KCNIP4: variants seen among roughly 807,000 people sequenced by gnomAD.
KCNIP4 encodes potassium voltage-gated channel interacting protein 4.
KCNIP4 carries 12 observed loss-of-function variants against 34.0 expected under a neutral mutation model. The observed-to-expected ratio is 0.35, with a 90% CI of 0.23 to 0.57. KCNIP4 has a LOEUF of 0.57. KCNIP4 is among the 20% of genes least tolerant of loss of function. The pLI, the probability that KCNIP4 is intolerant of heterozygous loss-of-function variation, is 0.83. For synonymous variants in KCNIP4, 124 were observed against 102.2 expected, an observed-to-expected ratio of 1.21 and a Z score of -1.29; for missense variants, 238 against 311.7, an observed-to-expected ratio of 0.76 and a Z score of 1.78.
intron 1 of KCNIP4, among the ~76,000 whole-genome samples, chr4:21,177,919 A>G (rs1238714196): frequency 6.6e-6 from 1 of 150,808 alleles, no homozygotes; most frequent in African/African-American, 2.4e-5. Context: ...CAAAGTTTGC[A>G]ATAATTTATC....
At chr4:21,027,723 A>G (rs1305053552) in intron 1 of KCNIP4, among the ~76,000 whole-genome samples, 1 of 152,010 alleles carries the variant, frequency 6.6e-6, no homozygotes, top group Non-Finnish European at 1.5e-5. Context: ...GAAGAAAAGA[A>G]GTAGAGAAAA....
At chr4:21,106,852 T>C (rs1348653022) in intron 1 of KCNIP4, among the ~76,000 whole-genome samples, 1 of 151,734 alleles carries the variant, frequency 6.6e-6, no homozygotes, top group African/African-American at 2.4e-5. Flanking sequence ...CATTTCGTTA[T>C]GTACCCAGTA....
intron 3 of KCNIP4, among the ~76,000 whole-genome samples, chr4:20,845,136 C>T (rs1036111837): frequency 6.6e-6 from 1 of 152,094 alleles, no homozygotes; most frequent in African/African-American, 2.4e-5. Flanking sequence ...CTGAGATGTG[C>T]AGTGTAAGGT....
intron 5 of KCNIP4, among the ~76,000 whole-genome samples, chr4:20,735,530 G>GTTTTTTTTT (rs10542507): frequency 9.1e-6 from 1 of 109,718 alleles, no homozygotes; most frequent in African/African-American, 3.6e-5. Flanking sequence ...TTTTTTTTTT[G>GTTTTTTTTT]TTTTTTTTTT....
chr4:21,702,990 C>CA (rs11336169), intron 1 of KCNIP4, among the ~76,000 whole-genome samples: 12 of 150,784 alleles, frequency 8.0e-5, no homozygotes, highest in Admixed American at 1.3e-4. Context: ...AGGCCCCCCA[C>CA]AAAAAAAAAT....
chr4:21,923,990 G>A (rs1201565444), intron 1 of KCNIP4, among the ~76,000 whole-genome samples: 1 of 152,172 alleles, frequency 6.6e-6, no homozygotes, highest in Non-Finnish European at 1.5e-5. Context: ...AGAGAGTCAG[G>A]TATAGGTCAG....
intron 1 of KCNIP4, among the ~76,000 whole-genome samples, chr4:21,246,070 C>T (rs1246782044): frequency 6.6e-6 from 1 of 152,102 alleles, no homozygotes; most frequent in African/African-American, 2.4e-5. Context: ...CTGTAGAACA[C>T]GATAGCTAAT....
At chr4:21,071,408 A>T (rs1028466932) in intron 1 of KCNIP4, among the ~76,000 whole-genome samples, 1 of 152,108 alleles carries the variant, frequency 6.6e-6, no homozygotes, top group Non-Finnish European at 1.5e-5. Flanking sequence ...GGTTGGGCAA[A>T]TTTGAGCGTC....
intron 1 of KCNIP4, among the ~76,000 whole-genome samples, chr4:21,535,406 T>C (rs1277290581): frequency 6.6e-6 from 1 of 152,154 alleles, no homozygotes; most frequent in East Asian, 1.9e-4. Flanking sequence ...TGGCTGAGGA[T>C]ACTTCCCGGT....
intron 1 of KCNIP4, among the ~76,000 whole-genome samples, chr4:21,239,006 G>T: frequency 1.3e-5 from 2 of 151,996 alleles, no homozygotes; most frequent in Non-Finnish European, 2.9e-5. Context: ...AAAACAGCAT[G>T]GTACTGGTAC....
intron 1 of KCNIP4, among the ~76,000 whole-genome samples, chr4:21,887,370 T>C (rs1726838478): frequency 6.6e-6 from 1 of 152,130 alleles, no homozygotes; most frequent in Non-Finnish European, 1.5e-5. Flanking sequence ...GTTAGCTCTC[T>C]GGTATCTTCT....
chr4:21,226,818 C>T (rs953324370), intron 1 of KCNIP4, among the ~76,000 whole-genome samples: 1 of 152,142 alleles, frequency 6.6e-6, no homozygotes, highest in African/African-American at 2.4e-5. Context: ...GACAAAACAA[C>T]TTAATTCAAC....
intron 1 of KCNIP4, chr4:21,845,906 C>T (rs1009237463): frequency 2.6e-5 from 4 of 151,990 alleles, no homozygotes; most frequent in Non-Finnish European, 5.9e-5. Context: ...AGATTCTTCC[C>T]AACTGCAGTC....
At chr4:20,919,469 C>T (rs552094765) in intron 1 of KCNIP4, among the ~76,000 whole-genome samples, 19 of 151,066 alleles carry the variant, frequency 1.3e-4, no homozygotes, top group South Asian at 2.1e-4. Context: ...TTCGGGAGGC[C>T]GAGGCGGGCA....
chr4:20,786,253 A>G (rs1198182987), intron 3 of KCNIP4, among the ~76,000 whole-genome samples: 1 of 152,128 alleles, frequency 6.6e-6, no homozygotes, highest in African/African-American at 2.4e-5. Flanking sequence ...TTGGGAACAC[A>G]TGGACATAAA....
intron 1 of KCNIP4, among the ~76,000 whole-genome samples, chr4:21,876,069 A>G (rs1726092113): frequency 6.6e-6 from 1 of 152,158 alleles, no homozygotes; most frequent in Non-Finnish European, 1.5e-5. Flanking sequence ...AATGCTTTCC[A>G]ATGAATAAAA....
chr4:21,790,220 C>T (rs1222499017), intron 1 of KCNIP4, among the ~76,000 whole-genome samples: 4 of 152,208 alleles, frequency 2.6e-5, no homozygotes, highest in Admixed American at 6.5e-5. Flanking sequence ...GCACTGTGCT[C>T]TCATTTTCAT....
chr4:21,694,907 G>A (rs1232838622), intron 1 of KCNIP4, among the ~76,000 whole-genome samples: 11 of 103,168 alleles, frequency 1.1e-4, no homozygotes, highest in African/African-American at 2.7e-4. Context: ...CAGATAACAC[G>A]ATTGACCAAA....
At chr4:21,079,710 A>T (rs1270503760) in intron 1 of KCNIP4, among the ~76,000 whole-genome samples, 1 of 151,900 alleles carries the variant, frequency 6.6e-6, no homozygotes, top group Non-Finnish European at 1.5e-5. Context: ...ACTGGAATAT[A>T]AAGAGATTAT....
Sources: gnomAD v4.1 joint callset for allele counts (sites outside exome capture counted in the v4.1 genomes callset) on GRCh38, gnomAD v4.1.1 for gene constraint, MANE v1.5 for transcripts, NCBI Gene and HGNC (gene_info 2026-07-23, HGNC 2026-07-21) for gene names.